Variants in SLC34A1 observed in about 807,000 individuals in gnomAD.
The protein encoded by SLC34A1 is sodium-dependent phosphate transport protein 2A.
A neutral mutation model predicts 51.4 loss-of-function variants in SLC34A1; 57 were observed. The observed-to-expected ratio is 1.11, with a 90% confidence interval of 0.90 to 1.38. The LOEUF is 1.38. Ranked by LOEUF, SLC34A1 falls within the 40% of genes most tolerant of loss-of-function variation. SLC34A1 has a pLI of 0.00. For synonymous variants in SLC34A1, 368 were observed against 358.0 expected, an observed-to-expected ratio of 1.03 and a Z score of -0.32; for missense variants, 796 against 835.6, an observed-to-expected ratio of 0.95 and a Z score of 0.58.
intron 5 of SLC34A1, among the ~76,000 whole-genome samples, chr5:177,387,224 A>C (rs565535492): frequency 2.6e-5 from 4 of 151,792 alleles, no homozygotes; most frequent in Non-Finnish European, 2.9e-5. Context: ...CAAAAAAAAA[A>C]AACAACAAAA....
chr5:177,394,688 C>CTT (rs34736156), intron 10 of SLC34A1, among the ~76,000 whole-genome samples: 2,483 of 104,952 alleles, frequency 0.024, 85 homozygotes, highest in African/African-American at 0.084. Context: ...GAGACTTTGT[C>CTT]TTTTTTTTTT....
chr5:177,386,415 C>T lies in SLC34A1; in HGVS notation c.389-8C>T, dbSNP rs746905134. ...GGGCCTTGGACAACGCTGGCTCATG[C>T]TCCCCAGGGAAGGTGGCTGGTGACA... On this transcript the variant is annotated splice_polypyrimidine_tract_variant and splice_region_variant and intron_variant, in intron 4 of 12. Transcript: ENST00000324417. The surrounding 1 kb of genome is among the most constrained non-coding windows in gnomAD (Gnocchi z 4.8). 1.2e-6 allele frequency: 2 copies of T among 1,614,244 alleles called. No individual in the cohort carries two copies. Among genetic ancestry groups the T allele is most frequent in the South Asian group, 1.1e-5 (1 of 91,082 alleles).
intron 8 of SLC34A1, chr5:177,389,552 C>T: frequency 1.3e-6 from 2 of 1,505,124 alleles, no homozygotes. Context: ...GACTTCATGA[C>T]CTCTTTAATA....
chr5:177,389,709 T>C (rs997654379), intron 8 of SLC34A1: 1 of 1,537,104 alleles, frequency 6.5e-7, no homozygotes, highest in African/African-American at 1.4e-5. Context: ...GACAGCTCTG[T>C]TCCTCACTGC....
chr5:177,397,464 G>C (rs1763008006), intron 12 of SLC34A1: 1 of 518,228 alleles, frequency 1.9e-6, no homozygotes, highest in Non-Finnish European at 3.5e-6. Flanking sequence ...CTGAATGAGG[G>C]TCCAGAAACT....
chr5:177,393,722 C>A lies in SLC34A1; in HGVS notation c.965C>A (p.Ala322Asp), dbSNP rs1762876574. Residue 322 changes from alanine to aspartate, a missense_variant, in exon 9 of 13, where the codon GCC (alanine) becomes GAC (aspartate). Physicochemically the swap from Ala to Asp is moderately radical, Grantham distance 126. Coordinates refer to ENST00000324417, the MANE Select transcript of SLC34A1 (RefSeq NM_003052.5). Reference sequence around the variant, plus strand: ...CCCACCTCCATGTCCAGAGCAGAGGCCAACTCCAGCCAGACCCTTGGAAAT... The same window carrying A: ...CCCACCTCCATGTCCAGAGCAGAGGACAACTCCAGCCAGACCCTTGGAAAT... ...QAPTSMSRAE[A>D]NSSQTLGNAT... 6.2e-7 allele frequency: 1 copy of A among 1,614,240 alleles called. No homozygotes were observed.
rs1219041208 is a variant in SLC34A1 at position 177,397,817 on chromosome 5, G to T, written c.1451G>T (p.Gly484Val). The T allele has an allele frequency of 6.2e-7, 1 of 1,612,732 alleles. No individual in the cohort carries two copies. The highest frequency in any genetic ancestry group is 8.5e-7 in the Non-Finnish European group (1 of 1,180,008). The change falls in exon 13 of 13, where the codon GGT (glycine) becomes GTT (valine). Residue 484 changes from glycine (G) to valine (V), a missense_variant. Physicochemically the swap from Gly to Val is moderately radical, Grantham distance 109 (BLOSUM62 -3). Coordinates refer to ENST00000324417, the MANE Select transcript of SLC34A1 (RefSeq NM_003052.5). ...TGTCACTTCTTCTTCAACATCTCGG[G>T]TATCCTTCTGTGGTACCCGGTGCCC... ...ALCHFFFNISGILLWYPVPCT... is the reference protein window; with the variant it reads ...ALCHFFFNISVILLWYPVPCT...
Position 177,388,142 on chromosome 5 carries a change from G to A in SLC34A1, c.793G>A (p.Asp265Asn). The A allele has an allele frequency of 6.2e-7, 1 of 1,614,100 alleles. No homozygotes were observed. Among genetic ancestry groups the A allele is most frequent in the Non-Finnish European group, 8.5e-7 (1 of 1,180,004 alleles). Residue 265 changes from aspartate to asparagine, a missense_variant, in exon 7 of 13, where the codon GAC becomes AAC. Coordinates refer to ENST00000324417, the MANE Select transcript of SLC34A1 (RefSeq NM_003052.5). This position sits in a 1 kb window ranked among gnomAD's most constrained non-coding sequence, Gnocchi z 4.3. The part of the protein sequence containing the change: ...FNIHGGRDAP[D>N]LLKIITEPFT... The stretch of plus-strand genomic sequence containing the variant: ...CATCCATGGTGGCCGTGATGCTCCT[G>A]ACCTGCTCAAGATCATCACAGAGCC...
At chr5:177,392,024 C>T (rs1432442852) in intron 8 of SLC34A1, among the ~76,000 whole-genome samples, 1 of 152,238 alleles carries the variant, frequency 6.6e-6, no homozygotes, top group African/African-American at 2.4e-5. Flanking sequence ...TTTTTCCAGG[C>T]TTCTTGGCCT....
chr5:177,394,107 G>A lies in SLC34A1; in HGVS notation c.1086G>A (p.Leu362=). Reference sequence around the variant, plus strand: ...TGCTGGCAGGATCCCTGGTGCTGCTGTGCACCTGCCTCATCCTCCTAGTCA... The same window carrying A: ...TGCTGGCAGGATCCCTGGTGCTGCTATGCACCTGCCTCATCCTCCTAGTCA... ...LILLAGSLVL[L]CTCLILLVKM... is the part of the protein sequence containing the mutation. The change falls in exon 10 of 13, where the codon CTG becomes CTA. Residue 362 remains leucine, a synonymous_variant. Transcript: ENST00000324417. 6.2e-7 allele frequency: 1 copy of A among 1,614,002 alleles called. No individual in the cohort carries two copies. The highest frequency in any genetic ancestry group is 8.5e-7 in the Non-Finnish European group (1 of 1,179,992).
chr5:177,396,155 G>A lies in SLC34A1; in HGVS notation c.1175-578G>A, dbSNP rs954962461. 6.6e-6 allele frequency among the ~76,000 whole-genome samples: 1 copy of A among 152,206 alleles called. No homozygotes were observed. The highest frequency in any genetic ancestry group is 1.5e-5 in the Non-Finnish European group (1 of 68,036). On this transcript the variant is annotated intron_variant, in intron 10 of 12. Transcript: ENST00000324417. This position sits in a 1 kb window ranked among gnomAD's most constrained non-coding sequence, Gnocchi z 4.0. ...CTAGAATAAGGGGTATCATGGGGCT[G>A]TGGGAGCTCAGAGAAGGGAGAAAAA... is the stretch of plus-strand genomic sequence containing the variant.
At chr5:177,387,681 G>C in intron 5 of SLC34A1, 81 bp from the exon 6 acceptor site, 1 of 1,186,294 alleles carries the variant, frequency 8.4e-7, no homozygotes, top group Non-Finnish European at 1.3e-6. Flanking sequence ...CTGGGACGTG[G>C]GTGGGGGGCC....
Position 177,398,647 on chromosome 5 carries a change from T to C in SLC34A1, c.*361T>C, listed in dbSNP as rs539754545. On this transcript the variant is annotated 3_prime_UTR_variant, in exon 13 of 13. Transcript: ENST00000324417. This position sits in a 1 kb window ranked among gnomAD's most constrained non-coding sequence, Gnocchi z 4.7. ...TAGGATAGGCAGGAGTAAGGGTGGG[T>C]CTGGGTATATGACTGTGCAGCTGTT... 1.2e-3 allele frequency: 507 copies of C among 407,154 alleles called. 6 individuals are homozygous for C. The Middle Eastern group carries it at 0.031, about 25-fold the overall frequency. The allele number at this position is 407,154 out of a possible 1,614,324, so 25.2% of individuals were successfully genotyped here.
rs753445317 is a variant in SLC34A1 at position 177,397,087 on chromosome 5, T to C, written c.1416+13T>C. 3.1e-6 allele frequency: 5 copies of C among 1,611,362 alleles called. No individual in the cohort carries two copies. In the African/African-American group the frequency reaches 4.0e-5, roughly 13 times the overall value. ...CAGCGCTTTCCAGGTGCGCTGGGAG[T>C]GTAGCCTCGCCTGGGGCAGGATGGA... On this transcript the variant is annotated intron_variant, in intron 12 of 12. Transcript: ENST00000324417.
In SLC34A1 at chr5:177,394,090, GGATCCC is replaced by G. The variant is rs776028902; in HGVS notation, c.1070_1075del (p.Gly357_Leu359delinsVal). The G allele has an allele frequency of 6.2e-7, 1 of 1,614,038 alleles. No individual in the cohort carries two copies. Among genetic ancestry groups the G allele is most frequent in the Non-Finnish European group, 8.5e-7 (1 of 1,180,030 alleles). On this transcript the variant is annotated inframe_deletion, in exon 10 of 13. Transcript: ENST00000324417. ...GGCTGTGGGGCTCATCCTGCTGGCA[GGATCCC>G]TGGTGCTGCTGTGCACCTGCCTCAT...
chr5:177,386,231 G>C lies in SLC34A1; in HGVS notation c.270G>C (p.Leu90=), dbSNP rs1762565802. 2.5e-6 allele frequency: 4 copies of C among 1,614,186 alleles called. No individual in the cohort carries two copies. The Admixed American group carries it at 5.0e-5, about 20-fold the overall frequency. Residue 90 remains leucine (L), a synonymous_variant, in exon 4 of 13, where the codon CTG becomes CTC. Transcript: ENST00000324417. This position sits in a 1 kb window ranked among gnomAD's most constrained non-coding sequence, Gnocchi z 4.8. ...LEEEQKPESR[L]VPKLRQAGAM... ...GCTTCCCCCATCCAGAGTCCAGGCT[G>C]GTCCCCAAGCTGCGCCAGGCTGGCG...
At chr5:177,395,881 G>A (rs1378497064) in intron 10 of SLC34A1, among the ~76,000 whole-genome samples, 2 of 152,130 alleles carry the variant, frequency 1.3e-5, no homozygotes, top group Non-Finnish European at 2.9e-5. Context: ...TGAACCTCTC[G>A]CCTTGGCCTC....
Position 177,396,910 on chromosome 5 carries a change from G to A in SLC34A1, c.1292-40G>A. The A allele has an allele frequency of 6.2e-7, 1 of 1,614,126 alleles. No homozygotes were observed. The highest frequency in any genetic ancestry group is 8.5e-7 in the Non-Finnish European group (1 of 1,180,026). On this transcript the variant is annotated intron_variant, in intron 11 of 12. Transcript: ENST00000324417. This position sits in a 1 kb window ranked among gnomAD's most constrained non-coding sequence, Gnocchi z 4.0. ...AGGGCTGGCAGGGAAAGGGCCGAAG[G>A]AGACGCTGGGGGTCCCACTTCCTCT... is the stretch of plus-strand genomic sequence containing the variant.
In SLC34A1 at chr5:177,386,053, A is replaced by G; in HGVS notation, c.176A>G (p.Glu59Gly). The change falls in exon 3 of 13, where the codon GAG (glutamate) becomes GGG (glycine). Residue 59 changes from glutamate to glycine, a missense_variant. Transcript: ENST00000324417. The surrounding 1 kb of genome is among the most constrained non-coding windows in gnomAD (Gnocchi z 4.8). ...AGCCTGGGCCCTGTGGCCCTTGCTG[A>G]GCACACCTGCCCCTGTGGGGAGGTC... ...FPSLGPVALA[E>G]HTCPCGEVLE... is the part of the protein sequence containing the mutation. 2 of 1,610,216 alleles carry G rather than the reference A, an allele frequency of 1.2e-6. No individual in the cohort carries two copies. The highest frequency in any genetic ancestry group is 8.5e-7 in the Non-Finnish European group (1 of 1,177,772).
Sources: allele counts gnomAD v4.1 joint callset (sites outside exome capture counted in the v4.1 genomes callset), GRCh38; gene constraint gnomAD v4.1.1; non-coding constraint Gnocchi (gnomAD v3.1); transcripts MANE v1.5; gene names NCBI Gene and HGNC (gene_info 2026-07-23, HGNC 2026-07-21).